GLRA2: variants seen among roughly 807,000 people sequenced by gnomAD.
The protein encoded by GLRA2 is glycine receptor subunit alpha-2.
Under a neutral mutation model 31.6 loss-of-function variants are expected in GLRA2, and 11 were observed. The ratio of observed to expected loss-of-function variants is 0.35; its 90% CI spans 0.22 to 0.58. The LOEUF (loss-of-function observed/expected upper bound fraction) is 0.58. GLRA2 is among the 20% of genes least tolerant of loss of function. The pLI is 0.84. For synonymous variants in GLRA2, 132 were observed against 134.0 expected, an observed-to-expected ratio of 0.99 and a Z score of 0.10; for missense variants, 212 against 351.8, an observed-to-expected ratio of 0.60 and a Z score of 3.18.
chrX:14,634,044 G>A (rs1322633353), intron 7 of GLRA2, among the ~76,000 whole-genome samples: 2 of 111,806 alleles, frequency 1.8e-5, no homozygotes, highest in Non-Finnish European at 3.8e-5. Flanking sequence ...CGCCTCACTG[G>A]TTCAAGCGAT....
rs1321982561 is a variant in GLRA2, at chrX:14,581,502, C to T, written c.494+96C>T. ...GGGTAGGATGTATATGAATATTTGA[C>T]TTTTGTGGTTTCTTGTTTATCATTT... On this transcript the variant is annotated intron_variant, in intron 4 of 8. Coordinates refer to ENST00000218075, the MANE Select transcript of GLRA2 (RefSeq NM_002063.4). 1.7e-5 allele frequency: 9 copies of T among 515,154 alleles called. No individual in the cohort carries two copies. In the East Asian group the frequency reaches 3.2e-4, roughly 18 times the overall value. 42.5% of individuals were successfully genotyped at this position (515,154 alleles called of 1,213,427 possible).
intron 2 of GLRA2, among the ~76,000 whole-genome samples, chrX:14,567,549 G>C (rs2089823506): frequency 8.9e-6 from 1 of 112,376 alleles, no homozygotes; most frequent in South Asian, 3.7e-4. Flanking sequence ...AAGATTGAAA[G>C]CTTTTCCTTC....
the GLRA2 span, among the ~76,000 whole-genome samples, chrX:14,453,919 G>C: frequency 4.5e-5 from 5 of 111,680 alleles, no homozygotes; most frequent in Admixed American, 9.5e-5. Context: ...GAATTATGCT[G>C]AGTGAAAGAG....
chrX:14,717,987 A>G (rs141142691), intron 8 of GLRA2, among the ~76,000 whole-genome samples: 287 of 111,239 alleles, frequency 2.6e-3, no homozygotes, highest in African/African-American at 8.7e-3. Context: ...GTCGTCGGGT[A>G]CGACATTGGT....
At chrX:14,682,149 T>C in intron 7 of GLRA2, among the ~76,000 whole-genome samples, 1 of 106,907 alleles carries the variant, frequency 9.4e-6, no homozygotes, top group East Asian at 2.9e-4. Context: ...CTAACTCAGA[T>C]GAGAGAAAGG....
rs779791888 is a variant in GLRA2, at chrX:14,561,645, C to A, written c.203-12688C>A. The stretch of plus-strand genomic sequence containing the variant: ...CCAGGAATTAATAACTTTGTCAAAT[C>A]CAGTTACAAATAGAGCTTTTCAATC... On this transcript the variant is annotated intron_variant, in intron 2 of 8. Coordinates refer to ENST00000218075, the MANE Select transcript of GLRA2 (RefSeq NM_002063.4). Among the ~76,000 whole-genome samples the A allele has an allele frequency of 2.7e-5, 3 of 112,455 alleles. No homozygotes were observed. The Admixed American group carries it at 2.8e-4, about 11-fold the overall frequency.
chrX:14,523,127 ATCT>A, the GLRA2 span, among the ~76,000 whole-genome samples: 4 of 112,156 alleles, frequency 3.6e-5, no homozygotes, highest in African/African-American at 1.3e-4. Flanking sequence ...TCTTAGTCAG[ATCT>A]TCTTAATAAC....
chrX:14,628,981 G>A (rs1331914171), intron 7 of GLRA2, among the ~76,000 whole-genome samples: 2 of 111,711 alleles, frequency 1.8e-5, no homozygotes, highest in East Asian at 5.6e-4. Flanking sequence ...TAACAAGGGA[G>A]AGGTAGCTTA....
At chrX:14,467,576 T>G in the GLRA2 span, among the ~76,000 whole-genome samples, 1 of 112,340 alleles carries the variant, frequency 8.9e-6, no homozygotes, top group Non-Finnish European at 1.9e-5. Context: ...ATCTAAGTGG[T>G]GGTAAACAAC....
the GLRA2 span, among the ~76,000 whole-genome samples, chrX:14,455,366 T>C: frequency 3.6e-5 from 4 of 111,700 alleles, no homozygotes; most frequent in Non-Finnish European, 7.5e-5. Flanking sequence ...GAAAATCACA[T>C]AGGACAATGA....
chrX:14,507,686 A>ATTATTTTTTTTTTTTTTTTTT, the GLRA2 span, among the ~76,000 whole-genome samples: 1 of 56,053 alleles, frequency 1.8e-5, no homozygotes, highest in Non-Finnish European at 3.9e-5. Flanking sequence ...TACGAAAGAC[A>ATTATTTTTTTTTTTTTTTTTT]TTCTTTTTTT....
intron 2 of GLRA2, among the ~76,000 whole-genome samples, chrX:14,567,673 T>G (rs990068214): frequency 8.9e-6 from 1 of 111,940 alleles, no homozygotes; most frequent in Non-Finnish European, 1.9e-5. Flanking sequence ...CATCCAAACT[T>G]GAAAGGAGGA....
chrX:14,528,634 A>G (rs1264952752), upstream of GLRA2, among the ~76,000 whole-genome samples: 2 of 112,074 alleles, frequency 1.8e-5, no homozygotes, highest in Non-Finnish European at 3.8e-5. Flanking sequence ...ATGAACTTCC[A>G]CTATTTTCAG....
At chrX:14,689,850 G>C (rs1287640291) in intron 7 of GLRA2, among the ~76,000 whole-genome samples, 2 of 111,694 alleles carry the variant, frequency 1.8e-5, no homozygotes, top group Admixed American at 1.9e-4. Context: ...ATTGTAAGTC[G>C]AGTGAGATGA....
At chrX:14,509,873 C>G in the GLRA2 span, among the ~76,000 whole-genome samples, 5 of 111,356 alleles carry the variant, frequency 4.5e-5, no homozygotes, top group Non-Finnish European at 7.5e-5. Context: ...CATAATAGAG[C>G]AGAAAAAATG....
At chrX:14,506,406 T>C in the GLRA2 span, among the ~76,000 whole-genome samples, 139 of 111,129 alleles carry the variant, frequency 1.3e-3, no homozygotes, top group Non-Finnish European at 1.7e-3. Context: ...TTCTCCTACA[T>C]CATTTTCCAC....
the GLRA2 span, among the ~76,000 whole-genome samples, chrX:14,515,643 A>T: frequency 8.9e-6 from 1 of 112,000 alleles, no homozygotes; most frequent in East Asian, 2.8e-4. Flanking sequence ...TATTATTTTA[A>T]ATAGTTAGAC....
intron 2 of GLRA2, among the ~76,000 whole-genome samples, chrX:14,553,888 T>C (rs1176656211): frequency 8.9e-6 from 1 of 111,836 alleles, no homozygotes; most frequent in African/African-American, 3.2e-5. Flanking sequence ...ATAATGGACT[T>C]ATTAACACAC....
chrX:14,716,102 G>A (rs2091780823), intron 8 of GLRA2, among the ~76,000 whole-genome samples: 1 of 111,058 alleles, frequency 9.0e-6, no homozygotes, highest in South Asian at 3.8e-4. Flanking sequence ...CTCAGGGCCG[G>A]GGTTGAAAGA....
Sources: gnomAD v4.1 joint callset for allele counts (sites outside exome capture counted in the v4.1 genomes callset) on GRCh38, gnomAD v4.1.1 for gene constraint, MANE v1.5 for transcripts, NCBI Gene and HGNC (gene_info 2026-07-23, HGNC 2026-07-21) for gene names.